The following MYZAP variants were observed in gnomAD, a reference collection of about 807,000 sequenced individuals.
MYZAP encodes GRINL1A complex locus upstream.
MYZAP carries 66 observed loss-of-function variants against 69.4 expected under a neutral mutation model. The ratio of observed to expected loss-of-function variants is 0.95; its 90% CI spans 0.78 to 1.17. The LOEUF (loss-of-function observed/expected upper bound fraction) is 1.17, where lower values mean the gene tolerates loss of function less well. MYZAP is among the 50% of genes most tolerant of loss of function. The pLI is 0.00. For synonymous variants in MYZAP, 256 were observed against 205.9 expected (o/e 1.24, Z -2.09); for missense variants, 611 against 556.2 (o/e 1.10, Z -0.99).
chr15:57,642,792 G>T (rs1252971462), intron 10 of MYZAP, among the ~76,000 whole-genome samples: 1 of 135,376 alleles, frequency 7.4e-6, no homozygotes, highest in African/African-American at 2.9e-5. Flanking sequence ...ATAATAAAAA[G>T]TAACTGGCCC....
chr15:57,635,664 T>C (rs116158018), intron 8 of MYZAP, among the ~76,000 whole-genome samples: 1,717 of 152,374 alleles, frequency 0.011, 20 homozygotes, highest in Middle Eastern at 0.034. Flanking sequence ...TAACATTAGG[T>C]AGGCCAATTT....
At chr15:57,620,674 C>T (rs2035749653) in intron 3 of MYZAP, among the ~76,000 whole-genome samples, 1 of 152,202 alleles carries the variant, frequency 6.6e-6, no homozygotes, top group African/African-American at 2.4e-5. Context: ...GAGGAACTGA[C>T]TTTCAAATTT....
At chr15:57,601,896 T>C (rs2034438846) in intron 1 of MYZAP, among the ~76,000 whole-genome samples, 1 of 152,058 alleles carries the variant, frequency 6.6e-6, no homozygotes, top group African/African-American at 2.4e-5. Context: ...GATCAGCAAG[T>C]TAGAGGTGCC....
chr15:57,634,679 A>G (rs978774370), intron 8 of MYZAP, among the ~76,000 whole-genome samples: 9 of 152,230 alleles, frequency 5.9e-5, no homozygotes, highest in Admixed American at 2.6e-4. Context: ...TGGGAACTGC[A>G]TGAAATTCAG....
At chr15:57,650,678 C>A (rs1462710080) in intron 10 of MYZAP, among the ~76,000 whole-genome samples, 3 of 152,156 alleles carry the variant, frequency 2.0e-5, no homozygotes, top group African/African-American at 7.2e-5. Flanking sequence ...GTGCTAAATG[C>A]TTAGCATAGT....
chr15:57,642,669 G>T (rs2037228650), intron 10 of MYZAP, among the ~76,000 whole-genome samples: 1 of 152,124 alleles, frequency 6.6e-6, no homozygotes, highest in Non-Finnish European at 1.5e-5. Flanking sequence ...GGCTTCTTTT[G>T]TTTAGCTCAA....
intron 2 of MYZAP, among the ~76,000 whole-genome samples, chr15:57,608,342 A>G (rs2034888829): frequency 6.6e-6 from 1 of 152,160 alleles, no homozygotes; most frequent in African/African-American, 2.4e-5. Context: ...AATTGCTCCC[A>G]ATGTGGGTGT....
chr15:57,639,624 C>G, intron 10 of MYZAP, 79 bp downstream of exon 10: 1 of 1,497,128 alleles, frequency 6.7e-7, no homozygotes, highest in Non-Finnish European at 9.1e-7. Context: ...TCTGCCTTGC[C>G]CCTCCATTTC....
At chr15:57,657,616 C>A (rs1422281583) in intron 10 of MYZAP, among the ~76,000 whole-genome samples, 1 of 152,078 alleles carries the variant, frequency 6.6e-6, no homozygotes. Flanking sequence ...TCCTTTAGTG[C>A]TAGACATTAA....
intron 11 of MYZAP, among the ~76,000 whole-genome samples, chr15:57,670,843 T>C (rs1246895041): frequency 6.6e-6 from 1 of 152,098 alleles, no homozygotes; most frequent in African/African-American, 2.4e-5. Context: ...AGAGATAATA[T>C]TGTACCATTT....
rs996667425 is a variant in MYZAP at position 57,600,846 on chromosome 15, C to G, written c.76-3423C>G. Among the ~76,000 whole-genome samples, 85 of 152,126 alleles carry G rather than the reference C, an allele frequency of 5.6e-4. 1 individual carries two copies. Among genetic ancestry groups the G allele is most frequent in the African/African-American group, 2.0e-3 (83 of 41,414 alleles). On this transcript the variant is annotated intron_variant, in intron 1 of 12. Transcript: ENST00000267853. Reference sequence around the variant, plus strand: ...CCTGAAATCCCAACACATTTGGAGGCTGAGACAGGATTGCTTGAGCCCAGG... The same window carrying G: ...CCTGAAATCCCAACACATTTGGAGGGTGAGACAGGATTGCTTGAGCCCAGG...
intron 11 of MYZAP, among the ~76,000 whole-genome samples, chr15:57,669,042 C>T (rs1195930778): frequency 6.6e-6 from 1 of 151,808 alleles, no homozygotes; most frequent in African/African-American, 2.4e-5. Context: ...AGGTGCATGC[C>T]ACCACGCTCG....
intron 3 of MYZAP, among the ~76,000 whole-genome samples, chr15:57,620,254 A>G (rs1296322873): frequency 6.6e-6 from 1 of 152,182 alleles, no homozygotes; most frequent in Non-Finnish European, 1.5e-5. Flanking sequence ...CCAAATCTCC[A>G]CCAATATCCA....
At chr15:57,595,134 T>A (rs191724330) in intron 1 of MYZAP, among the ~76,000 whole-genome samples, 14 of 152,328 alleles carry the variant, frequency 9.2e-5, no homozygotes, top group Admixed American at 2.6e-4. Flanking sequence ...AGTTAGCCTT[T>A]GTTCAATGGC....
At chr15:57,672,691 A>AT (rs1235406235) in intron 11 of MYZAP, among the ~76,000 whole-genome samples, 2 of 152,206 alleles carry the variant, frequency 1.3e-5, no homozygotes, top group Admixed American at 1.3e-4. Flanking sequence ...TTGTAGTGGC[A>AT]TACATAGCCT....
At chr15:57,650,857 G>A (rs147572321) in intron 10 of MYZAP, among the ~76,000 whole-genome samples, 1 of 152,340 alleles carries the variant, frequency 6.6e-6, no homozygotes, top group African/African-American at 2.4e-5. Flanking sequence ...AGACCAGAAA[G>A]TATAGGGTGA....
intron 3 of MYZAP, 22 bp downstream of exon 3, chr15:57,618,210 G>A (rs754552037): frequency 1.9e-6 from 3 of 1,610,624 alleles, no homozygotes; most frequent in South Asian, 1.1e-5. Context: ...AAGAGTTTTT[G>A]CCCCCCACCT....
At chr15:57,660,861 T>C (rs916070062) in intron 10 of MYZAP, among the ~76,000 whole-genome samples, 1 of 152,128 alleles carries the variant, frequency 6.6e-6, no homozygotes, top group Non-Finnish European at 1.5e-5. Context: ...GATGGATCTT[T>C]TTAGGAAGCC....
chr15:57,631,723 T>C (rs2036517501), intron 6 of MYZAP, among the ~76,000 whole-genome samples: 1 of 152,232 alleles, frequency 6.6e-6, no homozygotes, highest in African/African-American at 2.4e-5. Flanking sequence ...ATCTTGGAAA[T>C]AACATCATGT....
Sources: gnomAD v4.1 joint callset for allele counts (sites outside exome capture counted in the v4.1 genomes callset) on GRCh38, gnomAD v4.1.1 for gene constraint, MANE v1.5 for transcripts, NCBI Gene and HGNC (gene_info 2026-07-23, HGNC 2026-07-21) for gene names.